TRERF1: variants seen among roughly 807,000 people sequenced by gnomAD.
TRERF1 encodes the protein transcriptional regulating factor 1.
A neutral mutation model predicts 122.9 loss-of-function variants in TRERF1; 27 were observed. The observed-to-expected ratio is 0.22, with a 90% confidence interval of 0.16 to 0.30. The LOEUF is 0.30. Ranked by LOEUF, TRERF1 falls within the 10% of genes least tolerant of loss-of-function variation. The probability of loss-of-function intolerance (pLI) is 1.00; values close to 1 mark genes in which losing one functional copy is unlikely to be tolerated. For synonymous variants in TRERF1, 636 were observed against 641.7 expected (o/e 0.99, Z 0.13); for missense variants, 1,248 against 1,560.3 (o/e 0.80, Z 3.37).
intron 4 of TRERF1, among the ~76,000 whole-genome samples, chr6:42,287,216 G>A (rs1294175736): frequency 7.4e-5 from 11 of 148,260 alleles, no homozygotes; most frequent in African/African-American, 2.7e-4. Context: ...TGGGTGCAGC[G>A]CACCAGCATG....
chr6:42,322,811 G>A (rs377078513), intron 3 of TRERF1, among the ~76,000 whole-genome samples: 1 of 152,088 alleles, frequency 6.6e-6, no homozygotes, highest in South Asian at 2.1e-4. Flanking sequence ...GAGGCTGAGA[G>A]GAAGCAGGGG....
At position 42,278,095 on chromosome 6, in the gene TRERF1, C is replaced by T. The variant is rs575340671; in HGVS notation, c.-258-8247G>A. ...TTTCTCTACATCCAGATAATTGAAG[C>T]GAAGTTTTTCTAGAGAGAGAGGCTG... On this transcript the variant is annotated intron_variant, in intron 4 of 17. Transcript: ENST00000372922. Among the ~76,000 whole-genome samples, 6 of 152,210 alleles carry T rather than the reference C, an allele frequency of 3.9e-5. No individual in the cohort carries two copies. The South Asian group carries it at 6.2e-4, about 16-fold the overall frequency.
At chr6:42,367,593 T>C (rs1280152721) in intron 2 of TRERF1, among the ~76,000 whole-genome samples, 1 of 152,098 alleles carries the variant, frequency 6.6e-6, no homozygotes, top group Non-Finnish European at 1.5e-5. Flanking sequence ...TTCCTGGCTG[T>C]AGGGAGGCAC....
intron 2 of TRERF1, among the ~76,000 whole-genome samples, chr6:42,409,236 G>A (rs953812406): frequency 2.0e-5 from 3 of 151,978 alleles, no homozygotes; most frequent in East Asian, 1.9e-4. Context: ...CCGTGATCAC[G>A]CCACTGCACT....
At chr6:42,427,216 A>C (rs958920331) in intron 2 of TRERF1, among the ~76,000 whole-genome samples, 2 of 152,150 alleles carry the variant, frequency 1.3e-5, no homozygotes, top group African/African-American at 4.8e-5. Flanking sequence ...CACCTAGGGC[A>C]CATAAATGCT....
chr6:42,369,420 G>C (rs531807857), intron 2 of TRERF1, among the ~76,000 whole-genome samples: 1 of 152,090 alleles, frequency 6.6e-6, no homozygotes, highest in African/African-American at 2.4e-5. Context: ...CTCCAACCTG[G>C]GCAACAGAGC....
intron 13 of TRERF1, among the ~76,000 whole-genome samples, chr6:42,248,389 G>A (rs1775174771): frequency 6.6e-6 from 1 of 151,276 alleles, no homozygotes; most frequent in Non-Finnish European, 1.5e-5. Flanking sequence ...GTCTTGCTCT[G>A]TCACCCAGGC....
intron 4 of TRERF1, among the ~76,000 whole-genome samples, chr6:42,297,909 C>A (rs1785377178): frequency 6.6e-6 from 1 of 152,104 alleles, no homozygotes; most frequent in East Asian, 1.9e-4. Context: ...GCAAGAACTT[C>A]AGATTTGGGA....
intron 2 of TRERF1, among the ~76,000 whole-genome samples, chr6:42,434,652 C>T (rs185257052): frequency 5.8e-4 from 78 of 135,438 alleles, no homozygotes; most frequent in African/African-American, 2.0e-3. Flanking sequence ...ACTGGAACAC[C>T]AGCAGACACC....
chr6:42,292,634 C>T (rs949468197), intron 4 of TRERF1, among the ~76,000 whole-genome samples: 6 of 152,104 alleles, frequency 3.9e-5, no homozygotes, highest in African/African-American at 7.2e-5. Flanking sequence ...GGTGTGGCCA[C>T]GGGTCAGGCT....
At chr6:42,327,693 T>C (rs542390587) in intron 3 of TRERF1, among the ~76,000 whole-genome samples, 1 of 152,162 alleles carries the variant, frequency 6.6e-6, no homozygotes, top group Non-Finnish European at 1.5e-5. Flanking sequence ...GTTGGTACTG[T>C]TATTGCTGAG....
chr6:42,326,228 G>T (rs570693535), intron 3 of TRERF1, among the ~76,000 whole-genome samples: 2 of 149,102 alleles, frequency 1.3e-5, no homozygotes, highest in Non-Finnish European at 2.9e-5. Flanking sequence ...CTTGCCAGTT[G>T]GCTGGCTGGA....
At position 42,268,247 on chromosome 6, in the gene TRERF1, G is replaced by T. The variant is rs749884408; in HGVS notation, c.1344C>A (p.Leu448=). The T allele has an allele frequency of 4.7e-6, 7 of 1,498,770 alleles. No homozygotes were observed. Among genetic ancestry groups the T allele is most frequent in the Admixed American group, 4.8e-5 (2 of 41,908 alleles). 92.8% of individuals were successfully genotyped at this position (1,498,770 alleles called of 1,614,324 possible). The change falls in exon 5 of 18, where the codon CTC becomes CTA. Residue 448 remains leucine, a synonymous_variant. Coordinates refer to ENST00000372922, the Ensembl canonical transcript of TRERF1. This position sits in a 1 kb window ranked among gnomAD's most constrained non-coding sequence, Gnocchi z 4.4. ...TGGGGGATAGGAGGGGGCGATGGGGGAGGGTGCTGCTGACCCGGGTCAGAT... is the reference window on the plus strand; with the variant it reads ...TGGGGGATAGGAGGGGGCGATGGGGTAGGGTGCTGCTGACCCGGGTCAGAT...
chr6:42,374,150 A>AAGAAGAAGAAGAAGAAGAAGAAG (rs1554193491), intron 2 of TRERF1, among the ~76,000 whole-genome samples: 43 of 144,030 alleles, frequency 3.0e-4, no homozygotes, highest in African/African-American at 9.3e-4. Context: ...AAAAAAAAAA[A>AAGAAGAAGAAGAAGAAGAAGAAG]AAGAAGAAGA....
At chr6:42,272,193 G>A (rs183687494) in intron 4 of TRERF1, among the ~76,000 whole-genome samples, 215 of 152,320 alleles carry the variant, frequency 1.4e-3, no homozygotes, top group Non-Finnish European at 1.4e-3. Context: ...TTTTAGGGAG[G>A]ATTTTAAACA....
intron 13 of TRERF1, among the ~76,000 whole-genome samples, chr6:42,252,933 T>A (rs542753677): frequency 1.8e-4 from 27 of 152,244 alleles, no homozygotes; most frequent in African/African-American, 6.5e-4. Flanking sequence ...TAGCTCTATC[T>A]CTTTTGCCTC....
chr6:42,399,434 C>A (rs1397858528), intron 2 of TRERF1, among the ~76,000 whole-genome samples: 1 of 152,132 alleles, frequency 6.6e-6, no homozygotes, highest in Non-Finnish European at 1.5e-5. Context: ...AAGCGAGGGA[C>A]CTGGGTGTCT....
intron 2 of TRERF1, among the ~76,000 whole-genome samples, chr6:42,390,835 G>A (rs991552583): frequency 6.6e-6 from 1 of 152,162 alleles, no homozygotes; most frequent in Non-Finnish European, 1.5e-5. Flanking sequence ...ACAGCTGGGG[G>A]CAAGGGGAAA....
chr6:42,240,763 C>G (rs889149710), intron 15 of TRERF1, among the ~76,000 whole-genome samples: 1 of 152,238 alleles, frequency 6.6e-6, no homozygotes, highest in African/African-American at 2.4e-5. Flanking sequence ...TCTGTGTGGT[C>G]GGGGGAGAGG....
Sources: allele counts gnomAD v4.1 joint callset (sites outside exome capture counted in the v4.1 genomes callset), GRCh38; gene constraint gnomAD v4.1.1; non-coding constraint Gnocchi (gnomAD v3.1); transcripts MANE v1.5; gene names NCBI Gene and HGNC (gene_info 2026-07-23, HGNC 2026-07-21).